The following RAB31 variants were observed in gnomAD, a reference collection of about 807,000 sequenced individuals.
RAB31 encodes ras-related protein Rab-31.
Under a neutral mutation model 25.6 loss-of-function variants are expected in RAB31, and 21 were observed. The ratio of observed to expected loss-of-function variants is 0.82; its 90% CI spans 0.58 to 1.18. The LOEUF (loss-of-function observed/expected upper bound fraction) is 1.18, where lower values mean the gene tolerates loss of function less well. Among genes scored for constraint, RAB31 ranks in the 50% most tolerant of loss-of-function variants. The pLI, the probability that RAB31 is intolerant of heterozygous loss-of-function variation, is 0.00. For missense variants in RAB31, 196 were observed against 250.1 expected, an observed-to-expected ratio of 0.78 and a Z score of 1.46; for synonymous variants, 87 against 84.0, an observed-to-expected ratio of 1.04 and a Z score of -0.20.
intron 6 of RAB31, among the ~76,000 whole-genome samples, chr18:9,855,240 A>G (rs543686797): frequency 6.6e-6 from 1 of 151,302 alleles, no homozygotes; most frequent in East Asian, 1.9e-4. Flanking sequence ...CTTTCAGGAA[A>G]ACTGAACTTA....
At chr18:9,772,235 C>T (rs1439791358) in intron 1 of RAB31, among the ~76,000 whole-genome samples, 1 of 152,062 alleles carries the variant, frequency 6.6e-6, no homozygotes, top group Admixed American at 6.6e-5. Flanking sequence ...GAAGATGCAC[C>T]CTCAGCCCTG....
At chr18:9,765,202 C>T (rs572058459) in intron 1 of RAB31, among the ~76,000 whole-genome samples, 2 of 152,324 alleles carry the variant, frequency 1.3e-5, no homozygotes, top group East Asian at 3.9e-4. Flanking sequence ...ATCTGACCCC[C>T]TTGGTCTCCC....
In RAB31 at chr18:9,845,622, A is replaced by G; in HGVS notation, c.421A>G (p.Ile141Val). ...LKDAKEYAESIGAIVVETSAK... is the reference protein window; with the variant it reads ...LKDAKEYAESVGAIVVETSAK... ...GGATGCTAAGGAATACGCTGAATCC[A>G]TAGGTGCCATCGTGGTTGAGACAAG... Residue 141 changes from isoleucine (I) to valine (V), a missense_variant, in exon 6 of 7, where the codon ATA becomes GTA. Physicochemically the swap from Ile to Val is conservative, Grantham distance 29. Coordinates refer to ENST00000578921, the MANE Select transcript of RAB31 (RefSeq NM_006868.4). The G allele has an allele frequency of 1.3e-6, 2 of 1,569,200 alleles. No homozygotes were observed. The highest frequency in any genetic ancestry group is 1.7e-6 in the Non-Finnish European group (2 of 1,156,564).
chr18:9,740,952 G>GT (rs771934252), intron 1 of RAB31, among the ~76,000 whole-genome samples: 55 of 152,268 alleles, frequency 3.6e-4, no homozygotes, highest in Non-Finnish European at 7.1e-4. Context: ...CTTGCTTGTA[G>GT]TAAGTGGCCT....
At chr18:9,768,783 C>G in intron 1 of RAB31, among the ~76,000 whole-genome samples, 1 of 152,162 alleles carries the variant, frequency 6.6e-6, no homozygotes, top group African/African-American at 2.4e-5. Flanking sequence ...TGCCTATGTC[C>G]TGAATGGTAT....
rs776198658 is a variant in RAB31 at position 9,845,717 on chromosome 18, G to A, written c.490+26G>A. ...GTAAGTACCTGAAATTGGGTTTTCA[G>A]CCCAACTTGCATTTTTATGCTTCTG... On this transcript the variant is annotated intron_variant, in intron 6 of 6. Coordinates refer to ENST00000578921, the MANE Select transcript of RAB31 (RefSeq NM_006868.4). 9.2e-6 allele frequency: 14 copies of A among 1,523,484 alleles called. No homozygotes were observed. In the South Asian group the frequency reaches 1.8e-4, roughly 19 times the overall value. The allele number at this position is 1,523,484 out of a possible 1,614,324, so 94.4% of individuals were successfully genotyped here.
chr18:9,744,019 C>T (rs1329833698), intron 1 of RAB31, among the ~76,000 whole-genome samples: 3 of 152,230 alleles, frequency 2.0e-5, no homozygotes, highest in Non-Finnish European at 4.4e-5. Context: ...GTGCATTAAT[C>T]TTTCCTCATT....
chr18:9,756,229 C>T (rs56804084), intron 1 of RAB31, among the ~76,000 whole-genome samples: 3,439 of 152,214 alleles, frequency 0.023, 155 homozygotes, highest in African/African-American at 0.079. Flanking sequence ...AGTATAGACC[C>T]TGATATAGTT....
At chr18:9,857,638 A>C (rs1455981542) in intron 6 of RAB31, among the ~76,000 whole-genome samples, 1 of 130,118 alleles carries the variant, frequency 7.7e-6, no homozygotes, top group Non-Finnish European at 1.7e-5. Context: ...ACTAGCCAAT[A>C]ATATAGATAG....
At chr18:9,762,275 T>G (rs2068293147) in intron 1 of RAB31, among the ~76,000 whole-genome samples, 1 of 152,244 alleles carries the variant, frequency 6.6e-6, no homozygotes, top group Non-Finnish European at 1.5e-5. Flanking sequence ...GTCATGATTC[T>G]TCATCCTTTT....
At chr18:9,743,861 C>T (rs529085916) in intron 1 of RAB31, among the ~76,000 whole-genome samples, 1 of 152,338 alleles carries the variant, frequency 6.6e-6, no homozygotes, top group South Asian at 2.1e-4. Flanking sequence ...TGTGGACTCC[C>T]GGGTGCGGTC....
At chr18:9,798,482 C>G (rs545702560) in intron 3 of RAB31, among the ~76,000 whole-genome samples, 3 of 152,184 alleles carry the variant, frequency 2.0e-5, no homozygotes, top group African/African-American at 7.2e-5. Flanking sequence ...TATTGGAGTC[C>G]CGTGAATTTT....
At chr18:9,775,246 A>G (rs1391379479) in intron 1 of RAB31, 32 bp from the exon 2 acceptor site, 4 of 1,613,488 alleles carry the variant, frequency 2.5e-6, no homozygotes, top group Admixed American at 1.7e-5. Context: ...GCCGCCCTTC[A>G]TCTTCACGGT....
chr18:9,850,659 T>C (rs2068784665), intron 6 of RAB31, among the ~76,000 whole-genome samples: 1 of 152,038 alleles, frequency 6.6e-6, no homozygotes, highest in South Asian at 2.1e-4. Flanking sequence ...TTAGACCAGG[T>C]TTTATATTTG....
intron 2 of RAB31, among the ~76,000 whole-genome samples, chr18:9,779,398 T>G (rs1211016685): frequency 6.6e-6 from 1 of 152,214 alleles, no homozygotes. Context: ...ATAAGTACTT[T>G]CTGTGGACAT....
chr18:9,752,876 G>T (rs946962455), intron 1 of RAB31, among the ~76,000 whole-genome samples: 1 of 152,108 alleles, frequency 6.6e-6, no homozygotes, highest in East Asian at 1.9e-4. Context: ...ATATCTGTGG[G>T]AATATGCAGT....
intron 1 of RAB31, among the ~76,000 whole-genome samples, chr18:9,745,792 T>G (rs76205002): frequency 0.033 from 5,014 of 152,244 alleles, 243 homozygotes; most frequent in African/African-American, 0.11. Context: ...TTAAAGGACA[T>G]TTGTGAAAAA....
intron 2 of RAB31, among the ~76,000 whole-genome samples, chr18:9,783,064 G>A (rs1263714573): frequency 1.3e-5 from 2 of 152,110 alleles, no homozygotes; most frequent in South Asian, 2.1e-4. Context: ...TCCTAGTGGC[G>A]AGAGATCAGG....
chr18:9,828,946 T>G (rs1280490235), intron 5 of RAB31, among the ~76,000 whole-genome samples: 1 of 152,176 alleles, frequency 6.6e-6, no homozygotes, highest in African/African-American at 2.4e-5. Context: ...CCTGTCCGTG[T>G]TCTGCGACTG....
Sources: gnomAD v4.1 joint callset for allele counts (sites outside exome capture counted in the v4.1 genomes callset) on GRCh38, gnomAD v4.1.1 for gene constraint, MANE v1.5 for transcripts, NCBI Gene and HGNC (gene_info 2026-07-23, HGNC 2026-07-21) for gene names.